Variants in MITF observed in about 807,000 individuals in gnomAD.
MITF encodes microphthalmia-associated transcription factor.
Under a neutral mutation model 60.5 loss-of-function variants are expected in MITF, and 17 were observed. That is an observed-to-expected ratio of 0.28 (90% CI 0.19 to 0.42). The LOEUF (loss-of-function observed/expected upper bound fraction) is 0.42, where lower values mean the gene tolerates loss of function less well. Among genes scored for constraint, MITF ranks in the 10% least tolerant of loss-of-function variants. The probability of loss-of-function intolerance (pLI) is 1.00; values close to 1 mark genes in which losing one functional copy is unlikely to be tolerated. For missense variants in MITF, 622 were observed against 683.5 expected, an observed-to-expected ratio of 0.91 and a Z score of 1.00; for synonymous variants, 260 against 248.5, an observed-to-expected ratio of 1.05 and a Z score of -0.43.
At chr3:69,805,415 C>A (rs1357029122) in intron 1 of MITF, among the ~76,000 whole-genome samples, 1 of 152,078 alleles carries the variant, frequency 6.6e-6, no homozygotes, top group African/African-American at 2.4e-5. Flanking sequence ...ATGAGGCCTT[C>A]CCTGACCATC....
intron 6 of MITF, 101 bp downstream of exon 6, chr3:69,949,269 G>C: frequency 1.1e-6 from 1 of 885,822 alleles, no homozygotes; most frequent in East Asian, 2.4e-5. Flanking sequence ...TCCAACTCAT[G>C]GACGTAACTT....
At chr3:69,909,587 A>G (rs2065178363) in intron 2 of MITF, among the ~76,000 whole-genome samples, 1 of 151,974 alleles carries the variant, frequency 6.6e-6, no homozygotes, top group Non-Finnish European at 1.5e-5. Flanking sequence ...AGTGATATGA[A>G]CAATAAGGCC....
rs559477813 is a variant in MITF, at chr3:69,937,803, C to A, written c.355-19C>A. On this transcript the variant is annotated intron_variant, in intron 2 of 9. Transcript: ENST00000352241. ...CAAATAACAGCGCTGTTTTCTTTTC[C>A]CTCCATGGCTATGTTCAGGTGCAGA... 1 of 1,608,528 alleles carries A rather than the reference C, an allele frequency of 6.2e-7. No individual in the cohort carries two copies. Among genetic ancestry groups the A allele is most frequent in the Non-Finnish European group, 8.5e-7 (1 of 1,175,232 alleles).
chr3:69,790,207 T>C (rs556930458), intron 1 of MITF, among the ~76,000 whole-genome samples: 1 of 152,210 alleles, frequency 6.6e-6, no homozygotes, highest in African/African-American at 2.4e-5. Context: ...AATCCACTTA[T>C]AGTAAGTTAA....
chr3:69,837,842 A>G (rs1281479680), intron 1 of MITF, among the ~76,000 whole-genome samples: 1 of 152,188 alleles, frequency 6.6e-6, no homozygotes, highest in Non-Finnish European at 1.5e-5. Context: ...TATACTGTAT[A>G]TGATCTCTAT....
intron 2 of MITF, among the ~76,000 whole-genome samples, chr3:69,914,498 C>G (rs1375021328): frequency 2.6e-5 from 4 of 152,116 alleles, no homozygotes; most frequent in Non-Finnish European, 1.5e-5. Context: ...GGGAAAACTC[C>G]CCAGGAGATG....
chr3:69,962,280 T>C (rs2066569587), intron 9 of MITF, among the ~76,000 whole-genome samples: 1 of 152,208 alleles, frequency 6.6e-6, no homozygotes, highest in African/African-American at 2.4e-5. Context: ...TGCAAAAGTT[T>C]TCACAGAAGA....
intron 2 of MITF, among the ~76,000 whole-genome samples, chr3:69,890,098 T>G (rs1203309536): frequency 6.6e-6 from 1 of 152,178 alleles, no homozygotes; most frequent in African/African-American, 2.4e-5. Flanking sequence ...ATTACTGTTT[T>G]CCTACTGCCC....
intron 1 of MITF, among the ~76,000 whole-genome samples, chr3:69,824,102 G>C (rs1361673959): frequency 1.3e-5 from 2 of 152,196 alleles, no homozygotes; most frequent in African/African-American, 2.4e-5. Flanking sequence ...GACTGATATT[G>C]TCAATGGCTG....
At chr3:69,886,348 G>C (rs2064617973) in intron 2 of MITF, among the ~76,000 whole-genome samples, 1 of 152,096 alleles carries the variant, frequency 6.6e-6, no homozygotes, top group Non-Finnish European at 1.5e-5. Flanking sequence ...TGGATGGTGG[G>C]ATGAACACTT....
intron 1 of MITF, among the ~76,000 whole-genome samples, chr3:69,813,784 G>A (rs2063137986): frequency 6.6e-6 from 1 of 152,026 alleles, no homozygotes; most frequent in Non-Finnish European, 1.5e-5. Context: ...TTAAAAAATT[G>A]GTGTTATGAA....
intron 1 of MITF, among the ~76,000 whole-genome samples, chr3:69,832,035 T>A (rs79658882): frequency 0.15 from 23,339 of 152,236 alleles, 2,083 homozygotes; most frequent in Non-Finnish European, 0.21. Flanking sequence ...TTGGCTGCTC[T>A]CTGGTCTTTC....
chr3:69,954,399 T>C (rs1429901040), intron 7 of MITF, among the ~76,000 whole-genome samples: 2 of 152,082 alleles, frequency 1.3e-5, no homozygotes, highest in Admixed American at 6.6e-5. Flanking sequence ...CAAGGGAGTA[T>C]AGTGTCAGCA....
At chr3:69,883,760 G>A (rs1398131618) in intron 2 of MITF, among the ~76,000 whole-genome samples, 1 of 152,136 alleles carries the variant, frequency 6.6e-6, no homozygotes, top group East Asian at 1.9e-4. Context: ...GGGATCTGTT[G>A]CTAGAGGTGT....
At chr3:69,952,857 A>G (rs989819939) in intron 7 of MITF, among the ~76,000 whole-genome samples, 1 of 152,174 alleles carries the variant, frequency 6.6e-6, no homozygotes, top group Non-Finnish European at 1.5e-5. Context: ...TTAGAAATCT[A>G]GATCTATCTA....
At chr3:69,916,322 A>C (rs75924910) in intron 2 of MITF, among the ~76,000 whole-genome samples, 2,684 of 152,270 alleles carry the variant, frequency 0.018, 35 homozygotes, top group Middle Eastern at 0.051. Context: ...TATTTTGAAA[A>C]ATAATTTTAT....
intron 1 of MITF, among the ~76,000 whole-genome samples, chr3:69,791,893 A>G (rs1280654226): frequency 6.6e-6 from 1 of 152,226 alleles, no homozygotes; most frequent in Non-Finnish European, 1.5e-5. Context: ...CATGCTTTGA[A>G]TAATAGTGAA....
At chr3:69,836,624 A>C (rs1374917627) in intron 1 of MITF, among the ~76,000 whole-genome samples, 1 of 152,224 alleles carries the variant, frequency 6.6e-6, no homozygotes, top group Non-Finnish European at 1.5e-5. Flanking sequence ...ATGATGAGCA[A>C]ATAATTCAAT....
At chr3:69,748,759 AG>A (rs1262708234) in intron 1 of MITF, among the ~76,000 whole-genome samples, 1 of 152,140 alleles carries the variant, frequency 6.6e-6, no homozygotes, top group Non-Finnish European at 1.5e-5. Flanking sequence ...CACATTCATC[AG>A]TTTTCCCATG....
Sources: allele counts gnomAD v4.1 joint callset (sites outside exome capture counted in the v4.1 genomes callset), GRCh38; gene constraint gnomAD v4.1.1; transcripts MANE v1.5; gene names NCBI Gene and HGNC (gene_info 2026-07-23, HGNC 2026-07-21).